The following SFRP1 variants were observed in gnomAD, a reference collection of about 807,000 sequenced individuals.
SFRP1 encodes secreted frizzled-related protein 1.
In SFRP1, 9 loss-of-function variants were observed where a neutral mutation model predicts 25.9. The observed-to-expected ratio is 0.35, with a 90% CI of 0.21 to 0.61. SFRP1 has a LOEUF of 0.61. SFRP1 is among the 20% of genes least tolerant of loss of function. SFRP1 has a pLI of 0.78. For missense variants in SFRP1, 346 were observed against 418.2 expected, an observed-to-expected ratio of 0.83 and a Z score of 1.51; for synonymous variants, 178 against 174.0, an observed-to-expected ratio of 1.02 and a Z score of -0.18.
rs145792017 is a variant in SFRP1 at position 41,289,143 on chromosome 8, C to T, written c.622+14318G>A. Among the ~76,000 whole-genome samples, 683 of 152,308 alleles carry T rather than the reference C, an allele frequency of 4.5e-3. 2 individuals carry two copies. Among genetic ancestry groups the T allele is most frequent in the African/African-American group, 0.015 (634 of 41,566 alleles). ...TTCCCCATGCACCCAAGGTGAAGGCCAGTGTTCCCAGGGGCCTTGCCTGGG... is the reference window on the plus strand; with the variant it reads ...TTCCCCATGCACCCAAGGTGAAGGCTAGTGTTCCCAGGGGCCTTGCCTGGG... On this transcript the variant is annotated intron_variant, in intron 2 of 2. Transcript: ENST00000220772.
At chr8:41,304,520 G>A (rs1179944806) in intron 1 of SFRP1, among the ~76,000 whole-genome samples, 1 of 152,140 alleles carries the variant, frequency 6.6e-6, no homozygotes. Flanking sequence ...CAGCACAGGA[G>A]GCCAAGCCAG....
rs779643083 is a variant in SFRP1, at chr8:41,308,856, T to C, written c.304A>G (p.Asn102Asp). ...QQASSWVPLL[N>D]KNCHAGTQVF... ...TGGGTGCCGGCGTGGCAGTTCTTGT[T>C]GAGCAGGGGCACCCAGCTGCTGGCC... is the stretch of plus-strand genomic sequence containing the variant. Residue 102 changes from asparagine (N) to aspartate (D), a missense_variant, in exon 1 of 3, where the codon AAC becomes GAC. Transcript: ENST00000220772. 1 of 1,610,494 alleles carries C rather than the reference T, an allele frequency of 6.2e-7. No individual in the cohort carries two copies. Among genetic ancestry groups the C allele is most frequent in the South Asian group, 1.1e-5 (1 of 90,904 alleles).
chr8:41,288,401 G>A (rs2117502235), intron 2 of SFRP1, among the ~76,000 whole-genome samples: 1 of 151,814 alleles, frequency 6.6e-6, no homozygotes, highest in East Asian at 1.9e-4. Flanking sequence ...AGCTAGGTGT[G>A]ATGCTATGCA....
At chr8:41,278,641 G>A (rs903261394) in intron 2 of SFRP1, among the ~76,000 whole-genome samples, 2 of 152,210 alleles carry the variant, frequency 1.3e-5, no homozygotes, top group Non-Finnish European at 2.9e-5. Context: ...GGCCTTGCTT[G>A]CATGTGCCCG....
intron 2 of SFRP1, among the ~76,000 whole-genome samples, chr8:41,280,963 A>G (rs1320242151): frequency 6.6e-6 from 1 of 152,202 alleles, no homozygotes; most frequent in Non-Finnish European, 1.5e-5. Flanking sequence ...TTAATGTTCC[A>G]AGTACTCTCC....
At chr8:41,277,518 C>T (rs1803586121) in intron 2 of SFRP1, among the ~76,000 whole-genome samples, 1 of 152,210 alleles carries the variant, frequency 6.6e-6, no homozygotes, top group African/African-American at 2.4e-5. Context: ...GAGTGAGCAT[C>T]ATCAGAATCA....
intron 2 of SFRP1, among the ~76,000 whole-genome samples, chr8:41,270,521 A>G (rs1340413945): frequency 6.6e-6 from 1 of 152,112 alleles, no homozygotes; most frequent in Non-Finnish European, 1.5e-5. Flanking sequence ...GGTCCCACAA[A>G]TGCTCCTGAT....
At chr8:41,284,786 G>T (rs1803677883) in intron 2 of SFRP1, among the ~76,000 whole-genome samples, 1 of 152,230 alleles carries the variant, frequency 6.6e-6, no homozygotes, top group African/African-American at 2.4e-5. Context: ...CTGCTGGTAA[G>T]CGCAGGCAAG....
intron 2 of SFRP1, among the ~76,000 whole-genome samples, chr8:41,300,648 G>C (rs964029148): frequency 2.6e-5 from 4 of 152,248 alleles, no homozygotes; most frequent in African/African-American, 9.6e-5. Flanking sequence ...GAAGACGGCT[G>C]TGGGTACTGA....
At chr8:41,273,445 T>C (rs1563359433) in intron 2 of SFRP1, among the ~76,000 whole-genome samples, 1 of 151,992 alleles carries the variant, frequency 6.6e-6, no homozygotes, top group Non-Finnish European at 1.5e-5. Flanking sequence ...TGAGCCGAGA[T>C]CATGCCACTG....
At chr8:41,299,697 C>T (rs1177758845) in intron 2 of SFRP1, among the ~76,000 whole-genome samples, 1 of 148,902 alleles carries the variant, frequency 6.7e-6, no homozygotes, top group Admixed American at 6.8e-5. Context: ...CCAACATCCA[C>T]GTCCCACATC....
At chr8:41,303,030 G>A (rs1412141567) in intron 2 of SFRP1, among the ~76,000 whole-genome samples, 4 of 144,692 alleles carry the variant, frequency 2.8e-5, no homozygotes, top group African/African-American at 1.0e-4. Flanking sequence ...ACAGAGTCAT[G>A]CTGACACCTA....
At chr8:41,300,626 C>T (rs1803903455) in intron 2 of SFRP1, among the ~76,000 whole-genome samples, 1 of 152,190 alleles carries the variant, frequency 6.6e-6, no homozygotes, top group Non-Finnish European at 1.5e-5. Context: ...CTGGGATAAA[C>T]CAACCCAAAG....
chr8:41,267,009 A>G (rs1803444153), intron 2 of SFRP1, among the ~76,000 whole-genome samples: 1 of 152,200 alleles, frequency 6.6e-6, no homozygotes, highest in Non-Finnish European at 1.5e-5. Context: ...TCGCTAATCA[A>G]CCACTAATCC....
chr8:41,308,524 G>A (rs1804026630), intron 1 of SFRP1, 92 bp downstream of exon 1: 3 of 1,048,604 alleles, frequency 2.9e-6, no homozygotes, highest in Non-Finnish European at 4.1e-6. Context: ...GGGACCCAGC[G>A]GCGGGCGGGC....
chr8:41,272,699 G>A (rs2117484434), intron 2 of SFRP1, among the ~76,000 whole-genome samples: 1 of 151,982 alleles, frequency 6.6e-6, no homozygotes, highest in African/African-American at 2.4e-5. Flanking sequence ...CAAACAGATG[G>A]GAAACAGAGG....
At chr8:41,308,514 G>C (rs1804026453) in intron 1 of SFRP1, 102 bp downstream of exon 1, 4 of 960,472 alleles carry the variant, frequency 4.2e-6, no homozygotes, top group Non-Finnish European at 4.6e-6. Context: ...CCCCAGCACC[G>C]GGACCCAGCG....
At chr8:41,292,112 T>G (rs1803786821) in intron 2 of SFRP1, among the ~76,000 whole-genome samples, 1 of 152,178 alleles carries the variant, frequency 6.6e-6, no homozygotes, top group Non-Finnish European at 1.5e-5. Context: ...AAACTTCCAC[T>G]CCTGGACTCA....
intron 1 of SFRP1, chr8:41,306,914 G>A (rs1205601370): frequency 1.9e-6 from 3 of 1,573,786 alleles, no homozygotes; most frequent in East Asian, 2.3e-5. Context: ...CAGGCAACCC[G>A]TCCAATCCCC....
Sources: allele counts gnomAD v4.1 joint callset (sites outside exome capture counted in the v4.1 genomes callset), GRCh38; gene constraint gnomAD v4.1.1; transcripts MANE v1.5; gene names NCBI Gene and HGNC (gene_info 2026-07-23, HGNC 2026-07-21).